NPIPB2: variants seen among roughly 807,000 people sequenced by gnomAD.
The protein encoded by NPIPB2 is nuclear pore complex interacting protein family member B2.
In NPIPB2, 27 loss-of-function variants were observed where a neutral mutation model predicts 30.8. The observed-to-expected ratio is 0.88, with a 90% confidence interval of 0.65 to 1.21. The LOEUF is 1.21. Among genes scored for constraint, NPIPB2 ranks in the 50% most tolerant of loss-of-function variants. The probability of loss-of-function intolerance (pLI) is 0.00; values close to 1 mark genes in which losing one functional copy is unlikely to be tolerated. For synonymous variants in NPIPB2, 147 were observed against 162.0 expected, an observed-to-expected ratio of 0.91 and a Z score of 0.70; for missense variants, 440 against 446.2, an observed-to-expected ratio of 0.99 and a Z score of 0.13.
chr16:11,970,733 A>G (rs2055230652), intron 1 of NPIPB2, among the ~76,000 whole-genome samples: 1 of 150,702 alleles, frequency 6.6e-6, no homozygotes, highest in African/African-American at 2.4e-5. Flanking sequence ...ACGGGGTTTC[A>G]CCTTGTTGGA....
intron 1 of NPIPB2, among the ~76,000 whole-genome samples, chr16:11,970,893 T>A (rs961082057): frequency 1.4e-5 from 2 of 142,936 alleles, no homozygotes; most frequent in African/African-American, 5.2e-5. Context: ...CTTACTCCAA[T>A]GCCCAGGCTG....
intron 1 of NPIPB2, chr16:11,967,445 C>T (rs568208199): frequency 1.0e-6 from 1 of 970,392 alleles, no homozygotes. Context: ...CACAGTAAGA[C>T]CCCACCTCTA....
upstream of NPIPB2, among the ~76,000 whole-genome samples, chr16:11,945,762 G>A (rs2055001077): frequency 6.6e-6 from 1 of 152,170 alleles, no homozygotes; most frequent in Admixed American, 6.5e-5. Flanking sequence ...ACAGGCTGAG[G>A]GAAGGACAGC....
chr16:11,952,214 G>A (rs1385636089), intron 1 of NPIPB2, among the ~76,000 whole-genome samples: 2 of 151,132 alleles, frequency 1.3e-5, no homozygotes, highest in Non-Finnish European at 2.9e-5. Flanking sequence ...TGGGTGTGGT[G>A]GCGGGCGTCT....
At position 11,973,690 on chromosome 16, in the gene NPIPB2, C is replaced by T. The variant is rs2055249669; in HGVS notation, c.-584+2878G>A. On this transcript the variant is annotated intron_variant, in intron 1 of 5. Transcript: ENST00000538896. ...TCAAGCGATTCTCCTGCCTCAGCCT[C>T]CCAAGTTAGCTAGGAGTTCCTAGCT... Among the ~76,000 whole-genome samples the T allele has an allele frequency of 6.0e-5, 9 of 150,698 alleles. No individual in the cohort carries two copies. The South Asian group carries it at 1.9e-3, about 31-fold the overall frequency.
At chr16:11,944,161 A>G (rs949191771), upstream of NPIPB2, among the ~76,000 whole-genome samples, 1 of 151,360 alleles carries the variant, frequency 6.6e-6, no homozygotes, top group Admixed American at 6.6e-5. Flanking sequence ...GATACAGATG[A>G]TAAACTGGAT....
At chr16:11,935,612 C>T (rs2054855248) in intron 2 of NPIPB2, among the ~76,000 whole-genome samples, 1 of 152,086 alleles carries the variant, frequency 6.6e-6, no homozygotes, top group African/African-American at 2.4e-5. Context: ...CCACATCTGG[C>T]CTGAAATAAT....
At position 11,951,666 on chromosome 16, in the gene NPIPB2, A is replaced by ACACACACACACACACACCCC. The variant is rs1226047972; in HGVS notation, c.-583-9553_-583-9552insGGGGTGTGTGTGTGTGTGTG. On this transcript the variant is annotated intron_variant, in intron 1 of 5. Coordinates refer to the NPIPB2 transcript ENST00000538896. ...CACACACACACACACACACACACACACCCAGCCCCCAAACAACAAAATTCA... is the reference window on the plus strand; with the variant it reads ...CACACACACACACACACACACACACACACACACACACACACACCCCCCCAGCCCCCAAACAACAAAATTCA... Among the ~76,000 whole-genome samples the ACACACACACACACACACCCC allele has an allele frequency of 1.2e-3, 164 of 138,940 alleles. 2 individuals are homozygous for ACACACACACACACACACCCC. The highest frequency in any genetic ancestry group is 2.1e-3 in the East Asian group (9 of 4,216). The allele number at this position is 138,940 out of a possible 152,430, so 91.2% of individuals were successfully genotyped here.
chr16:11,927,441 G>A (rs551208131), exon 8 of NPIPB2: 100 of 1,220,046 alleles, frequency 8.2e-5, no homozygotes, highest in Non-Finnish European at 1.1e-4. Flanking sequence ...GGTGATGATG[G>A]TTCCACCTCA....
At chr16:11,966,476 T>A in intron 1 of NPIPB2, 1 of 905,042 alleles carries the variant, frequency 1.1e-6, no homozygotes, top group Non-Finnish European at 1.6e-6. Flanking sequence ...ATTGTTACAT[T>A]AAATGAACTT....
At chr16:11,956,846 CA>C (rs775244539) in intron 1 of NPIPB2, among the ~76,000 whole-genome samples, 1 of 152,206 alleles carries the variant, frequency 6.6e-6, no homozygotes, top group Non-Finnish European at 1.5e-5. Context: ...GGCTTCACCC[CA>C]GGGGTACCAG....
intron 1 of NPIPB2, chr16:11,966,385 G>A (rs1429503392): frequency 6.3e-7 from 1 of 1,576,522 alleles, no homozygotes; most frequent in South Asian, 1.2e-5. Context: ...CCAGGGGATG[G>A]CTATTGTGAG....
intron 1 of NPIPB2, among the ~76,000 whole-genome samples, chr16:11,962,277 G>A (rs372567971): frequency 1.3e-5 from 2 of 150,298 alleles, no homozygotes; most frequent in African/African-American, 4.9e-5. Flanking sequence ...GAGGCGGGTC[G>A]ATCACGAGGT....
chr16:11,952,955 G>A (rs2055081000), intron 1 of NPIPB2, among the ~76,000 whole-genome samples: 1 of 152,028 alleles, frequency 6.6e-6, no homozygotes, highest in Non-Finnish European at 1.5e-5. Flanking sequence ...CTGCCCCTTG[G>A]ATTCTAAAAA....
upstream of NPIPB2, among the ~76,000 whole-genome samples, chr16:11,943,199 G>C (rs1328292713): frequency 6.6e-6 from 1 of 152,004 alleles, no homozygotes; most frequent in Non-Finnish European, 1.5e-5. Context: ...GGCGCCTGTA[G>C]TCCCACCTAC....
chr16:11,952,749 A>G (rs1273837925), intron 1 of NPIPB2, among the ~76,000 whole-genome samples: 1 of 151,338 alleles, frequency 6.6e-6, no homozygotes, highest in East Asian at 1.9e-4. Flanking sequence ...ATTTTTTAGT[A>G]GAGATAGGGT....
intron 1 of NPIPB2, among the ~76,000 whole-genome samples, chr16:11,964,723 A>G (rs1185539266): frequency 6.6e-6 from 1 of 152,032 alleles, no homozygotes; most frequent in Non-Finnish European, 1.5e-5. Context: ...CTTACACCAG[A>G]CTACTTTTTA....
chr16:11,976,541 C>G (rs532131399), intron 1 of NPIPB2: 3 of 354,292 alleles, frequency 8.5e-6, no homozygotes, highest in Non-Finnish European at 1.5e-5. Flanking sequence ...GGGACAGCGA[C>G]GCCTCCTCGC....
chr16:11,970,967 C>T (rs1476024334), intron 1 of NPIPB2, among the ~76,000 whole-genome samples: 2 of 151,992 alleles, frequency 1.3e-5, no homozygotes, highest in Non-Finnish European at 2.9e-5. Context: ...GACCCTCCCA[C>T]CTCAGGCTCC....
Sources: gnomAD v4.1 joint callset for allele counts (sites outside exome capture counted in the v4.1 genomes callset) on GRCh38, gnomAD v4.1.1 for gene constraint, MANE v1.5 for transcripts, NCBI Gene and HGNC (gene_info 2026-07-23, HGNC 2026-07-21) for gene names.